PKD1L1: variants seen among roughly 807,000 people sequenced by gnomAD.
PKD1L1 encodes the protein polycystin 1 like 1, transient receptor potential channel interacting, also known as polycystin-1-like protein 1.
PKD1L1 carries 236 observed loss-of-function variants against 323.4 expected under a neutral mutation model. The observed-to-expected ratio is 0.73, with a 90% confidence interval of 0.66 to 0.81. The LOEUF (loss-of-function observed/expected upper bound fraction) is 0.81, where lower values mean the gene tolerates loss of function less well. Among genes scored for constraint, PKD1L1 ranks in the 40% least tolerant of loss-of-function variants. The pLI is 0.00. For synonymous variants in PKD1L1, 1,344 were observed against 1,335.0 expected, an observed-to-expected ratio of 1.01 and a Z score of -0.15; for missense variants, 3,320 against 3,508.0, an observed-to-expected ratio of 0.95 and a Z score of 1.35.
intron 18 of PKD1L1, 77 bp from the exon 19 acceptor site, chr7:47,884,734 G>T: frequency 8.8e-7 from 1 of 1,139,352 alleles, no homozygotes; most frequent in Non-Finnish European, 1.3e-6. Context: ...CTCCCCTGAT[G>T]GGTCACATTG....
chr7:47,951,023 G>A (rs370212629), upstream of PKD1L1, among the ~76,000 whole-genome samples: 236 of 152,358 alleles, frequency 1.5e-3, no homozygotes, highest in African/African-American at 5.4e-3. Flanking sequence ...CTTCCCTCCC[G>A]AGGACGGAGG....
chr7:47,830,048 G>C lies in PKD1L1; in HGVS notation c.6550C>G (p.Pro2184Ala). ...SVVCCIFITQPLMVCLMALGF... is the reference protein window; with the variant it reads ...SVVCCIFITQALMVCLMALGF... ...TGGAGGGTGTTTCTTACCATAAGTG[G>C]CTGGGTGATGAAAATACAGCAGACC... is the stretch of plus-strand genomic sequence containing the variant. The change falls in exon 43 of 57, where the codon CCA becomes GCA. Residue 2184 changes from proline (P) to alanine (A), a missense_variant. By Grantham distance (27) the Pro-to-Ala change is conservative. Transcript: ENST00000289672. 8 of 1,614,082 alleles carry C rather than the reference G, an allele frequency of 5.0e-6. No homozygotes were observed. Among genetic ancestry groups the C allele is most frequent in the Non-Finnish European group, 6.8e-6 (8 of 1,179,924 alleles).
intron 52 of PKD1L1, among the ~76,000 whole-genome samples, chr7:47,805,860 T>C (rs1318889497): frequency 6.6e-6 from 1 of 152,188 alleles, no homozygotes; most frequent in Admixed American, 6.5e-5. Context: ...ACCTGTTTCA[T>C]TAGATGGTTG....
chr7:47,781,010 A>C (rs1786679560), intron 56 of PKD1L1, among the ~76,000 whole-genome samples: 1 of 152,212 alleles, frequency 6.6e-6, no homozygotes, highest in South Asian at 2.1e-4. Context: ...ACCATTTTAC[A>C]TTCCCATCAG....
chr7:47,907,972 T>A, intron 9 of PKD1L1, 105 bp downstream of exon 9: 1 of 1,108,578 alleles, frequency 9.0e-7, no homozygotes, highest in Non-Finnish European at 1.2e-6. Context: ...GGATGTTGTA[T>A]CAAATTTAGA....
intron 34 of PKD1L1, among the ~76,000 whole-genome samples, chr7:47,841,963 TC>T (rs1716392311): frequency 6.6e-6 from 1 of 152,250 alleles, no homozygotes; most frequent in Non-Finnish European, 1.5e-5. Flanking sequence ...GACAACCTCA[TC>T]CTGTACGAAG....
chr7:47,793,045 C>A (rs965207222), intron 55 of PKD1L1, among the ~76,000 whole-genome samples: 7 of 150,284 alleles, frequency 4.7e-5, no homozygotes, highest in African/African-American at 1.7e-4. Context: ...ATAATGCCTA[C>A]ATAAAAAAAA....
chr7:47,879,708 C>T (rs1384210781), intron 21 of PKD1L1, among the ~76,000 whole-genome samples: 9 of 142,914 alleles, frequency 6.3e-5, no homozygotes, highest in African/African-American at 1.6e-4. Context: ...CTGAGACGGG[C>T]AGATCACAAG....
chr7:47,904,653 T>C lies in PKD1L1; in HGVS notation c.1692-36A>G, dbSNP rs376452676. 62 of 1,588,296 alleles carry C rather than the reference T, an allele frequency of 3.9e-5. No individual in the cohort carries two copies. The African/African-American group carries it at 7.7e-4, about 20-fold the overall frequency. On this transcript the variant is annotated intron_variant, in intron 11 of 56. Transcript: ENST00000289672. ...GGGAAAGGAGGGCAGGGAAGGCAGA[T>C]GGCAAGACAAGAACAGGGTCAGGTC...
intron 15 of PKD1L1, among the ~76,000 whole-genome samples, chr7:47,892,557 G>A (rs1421237625): frequency 6.6e-6 from 1 of 152,182 alleles, no homozygotes; most frequent in African/African-American, 2.4e-5. Context: ...CAAAAGGAGG[G>A]AGGTTGGGAG....
chr7:47,864,576 T>TTTTCTTTCTTTCTTTTCTTTC (rs1786107347), intron 26 of PKD1L1, among the ~76,000 whole-genome samples: 4 of 107,520 alleles, frequency 3.7e-5, no homozygotes, highest in African/African-American at 1.1e-4. Flanking sequence ...TTTTTCTTTC[T>TTTTCTTTCTTTCTTTTCTTTC]TTTCTTTCTT....
chr7:47,832,905 G>A (rs1785376636), intron 41 of PKD1L1, among the ~76,000 whole-genome samples, 185 bp downstream of exon 41: 1 of 152,248 alleles, frequency 6.6e-6, no homozygotes, highest in Admixed American at 6.5e-5. Flanking sequence ...CTGCCAGAAA[G>A]CACCAAGACT....
At chr7:47,951,937 A>G (rs10247714), upstream of PKD1L1, among the ~76,000 whole-genome samples, 121,231 of 152,096 alleles carry the variant, frequency 0.8, 48,869 homozygotes, top group East Asian at 0.98. Context: ...CACCTGGCCC[A>G]CCAGCATCAC....
At chr7:47,819,609 A>T (rs778155136) in intron 46 of PKD1L1, 1 of 1,339,748 alleles carries the variant, frequency 7.5e-7, no homozygotes, top group Admixed American at 2.0e-5. Flanking sequence ...GAGGCAGAAA[A>T]TTCCACTTAA....
rs1562981497 is a variant in PKD1L1 at position 47,902,059 on chromosome 7, A to AAAAGAAAAG, written c.2064+311_2064+319dup. Among the ~76,000 whole-genome samples the AAAAGAAAAG allele has an allele frequency of 8.7e-3, 1,052 of 120,600 alleles. 17 individuals are homozygous for AAAAGAAAAG. Among genetic ancestry groups the AAAAGAAAAG allele is most frequent in the African/African-American group, 0.028 (997 of 35,378 alleles). The allele number at this position is 120,600 out of a possible 152,430, so 79.1% of individuals were successfully genotyped here. A position where few individuals can be genotyped will look rare whatever the true frequency, so the allele number is the denominator to read the frequency against. On this transcript the variant is annotated intron_variant, in intron 13 of 56. Transcript: ENST00000289672. ...GAAAAGAAAAGAAAAGAAAAGAAAA[A>AAAAGAAAAG]AAAGAAAAGAAAAGAGCTCCTTAAA... is the stretch of plus-strand genomic sequence containing the variant.
chr7:47,957,862 A>AAAAAATATATATATATATATAT, the PKD1L1 span, among the ~76,000 whole-genome samples: 1 of 134,666 alleles, frequency 7.4e-6, no homozygotes, highest in Non-Finnish European at 1.6e-5. Context: ...ATTAAAAAAA[A>AAAAAATATATATATATATATAT]ATATATATAT....
At chr7:47,798,796 A>G (rs1356274849) in intron 54 of PKD1L1, among the ~76,000 whole-genome samples, 1 of 151,902 alleles carries the variant, frequency 6.6e-6, no homozygotes, top group Non-Finnish European at 1.5e-5. Context: ...GAAACAAAAA[A>G]AATTCTAGAA....
chr7:47,787,230 G>A (rs1478459936), intron 56 of PKD1L1, among the ~76,000 whole-genome samples: 1 of 152,166 alleles, frequency 6.6e-6, no homozygotes, highest in Non-Finnish European at 1.5e-5. Flanking sequence ...CTAAACTCAT[G>A]TTGCAGAAAC....
rs1787156198 is a variant in PKD1L1 at position 47,904,425 on chromosome 7, A to G, written c.1884T>C (p.Asp628=). ...TDVAYLWDFG[D]GTVSLGSSSS... ...AGCTGCTCCCCAGGCTGACGGTGCC[A>G]TCCCCAAAGTCCCACAGGTAGGCAA... is the stretch of plus-strand genomic sequence containing the variant. Residue 628 remains aspartate, a synonymous_variant, in exon 12 of 57, where the codon GAT becomes GAC. Transcript: ENST00000289672. 1 of 1,614,160 alleles carries G rather than the reference A, an allele frequency of 6.2e-7. No homozygotes were observed. Among genetic ancestry groups the G allele is most frequent in the Non-Finnish European group, 8.5e-7 (1 of 1,180,030 alleles).
Sources: allele counts gnomAD v4.1 joint callset (sites outside exome capture counted in the v4.1 genomes callset), GRCh38; gene constraint gnomAD v4.1.1; transcripts MANE v1.5; gene names NCBI Gene and HGNC (gene_info 2026-07-23, HGNC 2026-07-21).